Variants in PTPRD observed in about 807,000 individuals in gnomAD.
The protein encoded by PTPRD is receptor-type tyrosine-protein phosphatase delta.
In PTPRD, 34 loss-of-function variants were observed where a neutral mutation model predicts 214.5. The ratio of observed to expected loss-of-function variants is 0.16; its 90% CI spans 0.12 to 0.21. The LOEUF (loss-of-function observed/expected upper bound fraction) is 0.21, where lower values mean the gene tolerates loss of function less well. Ranked by LOEUF, PTPRD falls within the 10% of genes least tolerant of loss-of-function variation. The pLI is 1.00. For synonymous variants in PTPRD, 1,128 were observed against 845.7 expected (o/e 1.33, Z -5.79); for missense variants, 2,545 against 2,398.7 (o/e 1.06, Z -1.27).
chr9:10,194,412 A>C (rs1048895827), intron 3 of PTPRD, among the ~76,000 whole-genome samples: 1 of 147,300 alleles, frequency 6.8e-6, no homozygotes, highest in African/African-American at 2.5e-5. Context: ...ATTCACATTC[A>C]TATTTTGTAA....
At chr9:9,813,525 T>C (rs530686626) in intron 5 of PTPRD, among the ~76,000 whole-genome samples, 2 of 152,098 alleles carry the variant, frequency 1.3e-5, no homozygotes, top group East Asian at 3.9e-4. Flanking sequence ...TAGAAGAAAT[T>C]AATAAATTCC....
At chr9:10,131,226 G>C (rs2098877417) in intron 3 of PTPRD, among the ~76,000 whole-genome samples, 1 of 152,120 alleles carries the variant, frequency 6.6e-6, no homozygotes. Context: ...ACAGCAATTA[G>C]AGAGTCAAAG....
chr9:10,195,483 C>A (rs1273708232), intron 3 of PTPRD, among the ~76,000 whole-genome samples: 1 of 152,044 alleles, frequency 6.6e-6, no homozygotes, highest in Non-Finnish European at 1.5e-5. Flanking sequence ...TATCATGTAC[C>A]AGTTTCTGGG....
chr9:9,958,954 A>G lies in PTPRD; in HGVS notation c.-471-20344T>C, dbSNP rs1239588010. ...AGAAAAAGGTTTGGTGGGCTTTTAAAACTACACATAGTCTTACCATAAAAT... is the reference window on the plus strand; with the variant it reads ...AGAAAAAGGTTTGGTGGGCTTTTAAGACTACACATAGTCTTACCATAAAAT... On this transcript the variant is annotated intron_variant, in intron 4 of 45. Transcript: ENST00000381196. Among the ~76,000 whole-genome samples, 6 of 152,152 alleles carry G rather than the reference A, an allele frequency of 3.9e-5. No homozygotes were observed. The East Asian group carries it at 1.2e-3, about 29-fold the overall frequency.
intron 3 of PTPRD, among the ~76,000 whole-genome samples, chr9:10,162,088 T>G (rs1424923795): frequency 6.6e-6 from 1 of 151,672 alleles, no homozygotes; most frequent in African/African-American, 2.4e-5. Flanking sequence ...TGCACACTAT[T>G]GGTGCAGGTA....
intron 9 of PTPRD, among the ~76,000 whole-genome samples, chr9:9,348,310 A>G (rs564475268): frequency 1.3e-5 from 2 of 152,238 alleles, no homozygotes; most frequent in East Asian, 3.9e-4. Flanking sequence ...AGTTGTGACT[A>G]GAAAATAGTT....
intron 10 of PTPRD, among the ~76,000 whole-genome samples, chr9:9,106,830 T>G (rs1166775142): frequency 2.0e-5 from 3 of 152,142 alleles, no homozygotes; most frequent in African/African-American, 4.8e-5. Flanking sequence ...TTGGAATTGT[T>G]TTGTTCTATC....
At chr9:10,466,352 G>A (rs867863640) in intron 2 of PTPRD, among the ~76,000 whole-genome samples, 6 of 152,022 alleles carry the variant, frequency 3.9e-5, no homozygotes, top group South Asian at 2.1e-4. Flanking sequence ...TGCCGGGTGC[G>A]GTGGCTGATG....
intron 8 of PTPRD, among the ~76,000 whole-genome samples, chr9:9,448,103 A>G (rs76964064): frequency 0.01 from 1,549 of 152,218 alleles, 9 homozygotes; most frequent in Middle Eastern, 0.017. Context: ...AAGGAAGGGT[A>G]TGAAGACCAG....
intron 11 of PTPRD, among the ~76,000 whole-genome samples, chr9:8,778,586 A>C (rs2154492349): frequency 6.6e-6 from 1 of 152,246 alleles, no homozygotes; most frequent in South Asian, 2.1e-4. Context: ...TCCAAGCTCC[A>C]CAGGACCAAT....
chr9:10,093,979 A>G (rs569187454), intron 3 of PTPRD, among the ~76,000 whole-genome samples: 1 of 151,506 alleles, frequency 6.6e-6, no homozygotes, highest in East Asian at 2.0e-4. Flanking sequence ...AAATCCCTAT[A>G]GGGTACTATG....
At chr9:8,531,134 G>T (rs1029719546) in intron 14 of PTPRD, among the ~76,000 whole-genome samples, 8 of 152,146 alleles carry the variant, frequency 5.3e-5, no homozygotes, top group African/African-American at 1.9e-4. Context: ...TTTTGTGAAT[G>T]TTTACACATC....
intron 11 of PTPRD, among the ~76,000 whole-genome samples, chr9:9,011,242 C>T (rs1047528888): frequency 1.3e-5 from 2 of 152,028 alleles, no homozygotes; most frequent in Non-Finnish European, 2.9e-5. Flanking sequence ...TCTCACGTAT[C>T]CCAACACTCT....
chr9:8,626,634 T>C (rs1405416112), intron 14 of PTPRD, among the ~76,000 whole-genome samples: 1 of 151,746 alleles, frequency 6.6e-6, no homozygotes, highest in East Asian at 1.9e-4. Context: ...GCAACCCTTA[T>C]CCAATCAGGT....
At chr9:10,258,287 T>A (rs1258661734) in intron 3 of PTPRD, among the ~76,000 whole-genome samples, 1 of 150,764 alleles carries the variant, frequency 6.6e-6, no homozygotes, top group Non-Finnish European at 1.5e-5. Flanking sequence ...TACTTCCCCG[T>A]GCATGGTCAT....
At chr9:9,245,933 A>G (rs1431670525) in intron 9 of PTPRD, among the ~76,000 whole-genome samples, 1 of 152,104 alleles carries the variant, frequency 6.6e-6, no homozygotes, top group African/African-American at 2.4e-5. Flanking sequence ...AGATATTTTT[A>G]AAAGTCCAGT....
At chr9:9,372,745 T>C (rs1439465335) in intron 9 of PTPRD, among the ~76,000 whole-genome samples, 1 of 152,218 alleles carries the variant, frequency 6.6e-6, no homozygotes, top group Non-Finnish European at 1.5e-5. Context: ...TCGCAGTGGC[T>C]GGTACTGGTT....
chr9:8,375,056 T>G (rs970047965), intron 39 of PTPRD, among the ~76,000 whole-genome samples: 1 of 151,940 alleles, frequency 6.6e-6, no homozygotes, highest in Non-Finnish European at 1.5e-5. Flanking sequence ...AGACTTCTAT[T>G]TTACTTATCT....
intron 9 of PTPRD, among the ~76,000 whole-genome samples, chr9:9,203,295 A>G (rs1234832749): frequency 6.6e-6 from 1 of 152,034 alleles, no homozygotes; most frequent in Non-Finnish European, 1.5e-5. Context: ...TTTATCTGAA[A>G]TTTAGAAAGC....
Sources: gnomAD v4.1 joint callset for allele counts (sites outside exome capture counted in the v4.1 genomes callset) on GRCh38, gnomAD v4.1.1 for gene constraint, MANE v1.5 for transcripts, NCBI Gene and HGNC (gene_info 2026-07-23, HGNC 2026-07-21) for gene names.